The following ITGAL variants were observed in gnomAD, a reference collection of about 807,000 sequenced individuals.
ITGAL encodes integrin alpha-L.
A neutral mutation model predicts 138.4 loss-of-function variants in ITGAL; 68 were observed. The observed-to-expected ratio is 0.49, with a 90% confidence interval of 0.40 to 0.60. The LOEUF (loss-of-function observed/expected upper bound fraction) is 0.60. ITGAL is among the 20% of genes least tolerant of loss of function. ITGAL has a pLI of 0.00. For missense variants in ITGAL, 1,256 were observed against 1,478.6 expected (o/e 0.85, Z 2.47); for synonymous variants, 561 against 584.3 (o/e 0.96, Z 0.57).
intron 15 of ITGAL, among the ~76,000 whole-genome samples, chr16:30,497,625 C>A (rs919226395): frequency 2.0e-5 from 3 of 151,600 alleles, no homozygotes; most frequent in Non-Finnish European, 4.4e-5. Flanking sequence ...CACAGGCATG[C>A]ACCACCATGC....
At chr16:30,514,820 C>A (rs1597106920) in intron 25 of ITGAL, among the ~76,000 whole-genome samples, 1 of 143,590 alleles carries the variant, frequency 7.0e-6, no homozygotes, top group African/African-American at 2.6e-5. Context: ...TTTCTTTTTT[C>A]TTTTCTTTTT....
Position 30,489,128 on chromosome 16 carries a change from C to T in ITGAL, c.1053C>T (p.Ser351=). 6.2e-7 allele frequency: 1 copy of T among 1,614,054 alleles called. No homozygotes were observed. The highest frequency in any genetic ancestry group is 8.5e-7 in the Non-Finnish European group (1 of 1,180,028). ...CTTCCTTCAACATGGAGCTGTCCTCCAGCGGCATCAGTGCTGACCTCAGCA... is the reference window on the plus strand; with the variant it reads ...CTTCCTTCAACATGGAGCTGTCCTCTAGCGGCATCAGTGCTGACCTCAGCA... ...DLTSFNMELS[S]SGISADLSRG... The change falls in exon 10 of 31, where the codon TCC becomes TCT. Residue 351 remains serine (S), a synonymous_variant. Transcript: ENST00000356798.
chr16:30,520,118 C>A (rs1344546063), intron 30 of ITGAL, 151 bp downstream of exon 30: 3 of 619,640 alleles, frequency 4.8e-6, no homozygotes, highest in Non-Finnish European at 8.6e-6. Context: ...CCTCCTTCAA[C>A]AGAGAAGGCT....
chr16:30,488,215 G>T (rs2050674954), intron 9 of ITGAL, among the ~76,000 whole-genome samples: 2 of 151,254 alleles, frequency 1.3e-5, no homozygotes, highest in African/African-American at 4.9e-5. Context: ...AAAAGAAAAA[G>T]GGTGTATTTC....
intron 20 of ITGAL, 110 bp from the exon 21 acceptor site, chr16:30,506,605 A>G: frequency 1.9e-6 from 1 of 533,138 alleles, no homozygotes; most frequent in Admixed American, 3.0e-5. Context: ...GACTGAGCAT[A>G]AAAGATGATT....
At chr16:30,519,115 C>T (rs550848661) in intron 29 of ITGAL, among the ~76,000 whole-genome samples, 1 of 152,062 alleles carries the variant, frequency 6.6e-6, no homozygotes, top group Admixed American at 6.6e-5. Context: ...CCCAGCTGTT[C>T]GGGAGGCTGA....
intron 7 of ITGAL, among the ~76,000 whole-genome samples, chr16:30,481,965 C>T (rs1244940751): frequency 2.6e-5 from 4 of 152,146 alleles, no homozygotes; most frequent in Non-Finnish European, 4.4e-5. Context: ...GATCTCGGCT[C>T]ACTGCAACCT....
chr16:30,499,734 T>TATATGTATATATATATATATATA (rs71149033), intron 17 of ITGAL, among the ~76,000 whole-genome samples: 1 of 76,642 alleles, frequency 1.3e-5, no homozygotes, highest in African/African-American at 7.8e-5. Flanking sequence ...TATATATATA[T>TATATGTATATATATATATATATA]TTTTTTTTTT....
Position 30,517,908 on chromosome 16 carries a change from C to G in ITGAL, c.3132+13C>G. The stretch of plus-strand genomic sequence containing the variant: ...GGGAGAGATCGAGGTAGTCCCCGCT[C>G]CTAAGAGATGTGGAGCTGCTGTGGG... On this transcript the variant is annotated intron_variant, in intron 28 of 30. Coordinates refer to ENST00000356798, the MANE Select transcript of ITGAL (RefSeq NM_002209.3). The G allele has an allele frequency of 6.2e-7, 1 of 1,612,028 alleles. No individual in the cohort carries two copies. Among genetic ancestry groups the G allele is most frequent in the South Asian group, 1.1e-5 (1 of 91,026 alleles).
At chr16:30,499,733 A>ATATATATATATATATTTT in intron 17 of ITGAL, among the ~76,000 whole-genome samples, 2 of 88,388 alleles carry the variant, frequency 2.3e-5, no homozygotes, top group African/African-American at 1.2e-4. Flanking sequence ...ATATATATAT[A>ATATATATATATATATTTT]TTTTTTTTTT....
At chr16:30,508,971 G>A (rs1474483798) in intron 21 of ITGAL, among the ~76,000 whole-genome samples, 1 of 152,146 alleles carries the variant, frequency 6.6e-6, no homozygotes, top group African/African-American at 2.4e-5. Flanking sequence ...GAGGTCATGA[G>A]TTCAAAACCA....
At chr16:30,496,405 A>T (rs2050801235) in intron 14 of ITGAL, 31 bp from the exon 15 acceptor site, 2 of 1,613,746 alleles carry the variant, frequency 1.2e-6, no homozygotes, top group Non-Finnish European at 1.7e-6. Flanking sequence ...ACCTCTCCTC[A>T]GCTTAGTGGC....
At chr16:30,483,492 A>G (rs1411962358) in intron 7 of ITGAL, among the ~76,000 whole-genome samples, 2 of 152,166 alleles carry the variant, frequency 1.3e-5, no homozygotes, top group Non-Finnish European at 2.9e-5. Context: ...ACTTGGATCA[A>G]TATCTGTAGC....
Position 30,494,487 on chromosome 16 carries a change from T to C in ITGAL, c.1365+124T>C. The C allele has an allele frequency of 8.5e-7, 1 of 1,173,744 alleles. No homozygotes were observed. The highest frequency in any genetic ancestry group is 1.2e-6 in the Non-Finnish European group (1 of 848,184). The allele number at this position is 1,173,744 out of a possible 1,614,324, so 72.7% of individuals were successfully genotyped here. A position where few individuals can be genotyped will look rare whatever the true frequency, so the allele number is the denominator to read the frequency against. ...GCCCCTGTGCTAAACATGATCACAT[T>C]TATCCCTCATAACACACAGAGGTAA... is the stretch of plus-strand genomic sequence containing the variant. On this transcript the variant is annotated intron_variant, in intron 12 of 30. Coordinates refer to ENST00000356798, the MANE Select transcript of ITGAL (RefSeq NM_002209.3). This position sits in a 1 kb window ranked among gnomAD's most constrained non-coding sequence, Gnocchi z 4.2.
chr16:30,519,902 C>T lies in ITGAL; in HGVS notation c.3274C>T (p.Leu1092Phe), dbSNP rs1168035344. ...DVVYEKQMLY[L>F]YVLSGIGGLL... ...GGTGTATGAGAAGCAGATGCTCTAC[C>T]TCTACGTGCTGAGCGGCATCGGGGG... Residue 1092 changes from leucine (L) to phenylalanine (F), a missense_variant, in exon 30 of 31, where the codon CTC becomes TTC. Physicochemically the swap from Leu to Phe is conservative, Grantham distance 22 (BLOSUM62 0). Coordinates refer to ENST00000356798, the MANE Select transcript of ITGAL (RefSeq NM_002209.3). 5 of 1,613,888 alleles carry T rather than the reference C, an allele frequency of 3.1e-6. No individual in the cohort carries two copies. In the African/African-American group the frequency reaches 5.3e-5, roughly 17 times the overall value.
chr16:30,480,470 C>T (rs2050536949), intron 6 of ITGAL: 1 of 151,934 alleles, frequency 6.6e-6, no homozygotes, highest in Non-Finnish European at 1.5e-5. Flanking sequence ...GGTGTTGATC[C>T]CCGGCCCAGC....
rs1567487641 is a variant in ITGAL, at chr16:30,510,890, C to A, written c.2629C>A (p.Gln877Lys). 1.2e-6 allele frequency: 2 copies of A among 1,613,944 alleles called. No homozygotes were observed. Among genetic ancestry groups the A allele is most frequent in the Non-Finnish European group, 1.7e-6 (2 of 1,179,900 alleles). The stretch of plus-strand genomic sequence containing the variant: ...TCTCCTTTCCTGCCAGGTTGCTCTG[C>A]AGATGATGTTTAATACACTGGTAAA... Reference protein sequence around the residue: ...IFKAGHSVALQMMFNTLVNSS... With the variant: ...IFKAGHSVALKMMFNTLVNSS... Residue 877 changes from glutamine (Q) to lysine (K), a missense_variant, in exon 23 of 31, where the codon CAG (glutamine) becomes AAG (lysine). By Grantham distance (53) the Gln-to-Lys change is moderately conservative. Coordinates refer to ENST00000356798, the MANE Select transcript of ITGAL (RefSeq NM_002209.3).
intron 22 of ITGAL, 102 bp downstream of exon 22, chr16:30,510,573 G>A: frequency 1.3e-6 from 1 of 747,844 alleles, no homozygotes. Flanking sequence ...TGATTGTCAA[G>A]AAGGGTGTAC....
At chr16:30,485,538 T>C (rs2050634748) in intron 9 of ITGAL, among the ~76,000 whole-genome samples, 1 of 151,522 alleles carries the variant, frequency 6.6e-6, no homozygotes, top group Admixed American at 6.6e-5. Context: ...CTTTTTTGCT[T>C]TTCTTTCACA....
Sources: allele counts gnomAD v4.1 joint callset (sites outside exome capture counted in the v4.1 genomes callset), GRCh38; gene constraint gnomAD v4.1.1; non-coding constraint Gnocchi (gnomAD v3.1); transcripts MANE v1.5; gene names NCBI Gene and HGNC (gene_info 2026-07-23, HGNC 2026-07-21).